SVIL: variants seen among roughly 807,000 people sequenced by gnomAD.
The protein encoded by SVIL is supervillin.
In SVIL, 101 loss-of-function variants were observed where a neutral mutation model predicts 240.4. The observed-to-expected ratio is 0.42, with a 90% CI of 0.36 to 0.50. The LOEUF (loss-of-function observed/expected upper bound fraction) is 0.50. Ranked by LOEUF, SVIL falls within the 20% of genes least tolerant of loss-of-function variation. The pLI is 0.01. For synonymous variants in SVIL, 999 were observed against 1,100.0 expected (o/e 0.91, Z 1.82); for missense variants, 2,512 against 2,818.7 (o/e 0.89, Z 2.46).
In SVIL at chr10:29,533,260, T is replaced by C. The variant is rs2132568196; in HGVS notation, c.1107A>G (p.Gln369=). 3.1e-6 allele frequency: 5 copies of C among 1,614,098 alleles called. No homozygotes were observed. The East Asian group carries it at 6.7e-5, about 22-fold the overall frequency. ...STRQPIRGYV[Q]PADTGHTAKL... ...TGGCGGTGTGACCGGTATCTGCGGG[T>C]TGGACATAGCCACGGATTGGCTGTC... Residue 369 remains glutamine, a synonymous_variant, in exon 8 of 38, where the codon CAA becomes CAG. Transcript: ENST00000355867.
At chr10:29,642,986 G>T (rs1481593964) in intron 3 of SVIL, among the ~76,000 whole-genome samples, 1 of 152,098 alleles carries the variant, frequency 6.6e-6, no homozygotes, top group African/African-American at 2.4e-5. Context: ...GCACCCGGCC[G>T]CTCTCTTCTC....
upstream of SVIL, among the ~76,000 whole-genome samples, chr10:29,638,820 TA>T (rs1357159146): frequency 6.6e-6 from 1 of 152,104 alleles, no homozygotes; most frequent in Non-Finnish European, 1.5e-5. Flanking sequence ...CATCCAAAAA[TA>T]AAAAAGGAAA....
chr10:29,558,026 T>C (rs1443295263), intron 3 of SVIL, among the ~76,000 whole-genome samples: 1 of 152,220 alleles, frequency 6.6e-6, no homozygotes, highest in African/African-American at 2.4e-5. Flanking sequence ...TATCCTCATA[T>C]ATTTCTAAAG....
intron 1 of SVIL, among the ~76,000 whole-genome samples, chr10:29,605,997 G>A (rs1337289016): frequency 2.0e-5 from 3 of 152,070 alleles, no homozygotes; most frequent in African/African-American, 4.8e-5. Context: ...TGCAACCTCC[G>A]CCTCCTGGGT....
chr10:29,528,617 A>C (rs1589126086), intron 12 of SVIL, among the ~76,000 whole-genome samples: 2 of 152,074 alleles, frequency 1.3e-5, no homozygotes, highest in African/African-American at 4.8e-5. Context: ...TTGGGCCTAC[A>C]GTCCCAACTA....
intron 2 of SVIL, among the ~76,000 whole-genome samples, chr10:29,662,441 C>A (rs992098475): frequency 6.6e-6 from 1 of 152,140 alleles, no homozygotes; most frequent in Non-Finnish European, 1.5e-5. Context: ...GTTATTTGAA[C>A]ATTTGTAAAA....
chr10:29,505,485 T>C (rs981330267), intron 17 of SVIL, among the ~76,000 whole-genome samples: 10 of 151,960 alleles, frequency 6.6e-5, no homozygotes, highest in African/African-American at 2.2e-4. Context: ...GGCAAAACCA[T>C]GTGACAGTAA....
At chr10:29,499,356 T>C (rs1948701017) in intron 17 of SVIL, 93 bp from the exon 18 acceptor site, 6 of 1,528,500 alleles carry the variant, frequency 3.9e-6, no homozygotes, top group African/African-American at 2.7e-5. Flanking sequence ...AAAAAGCAGG[T>C]TGACAAAGAG....
At chr10:29,707,267 A>G (rs977152861) in intron 1 of SVIL, among the ~76,000 whole-genome samples, 6 of 152,196 alleles carry the variant, frequency 3.9e-5, no homozygotes, top group African/African-American at 1.2e-4. Flanking sequence ...CTTCTTATCC[A>G]TGAGGATGGA....
intron 3 of SVIL, among the ~76,000 whole-genome samples, chr10:29,654,918 CT>C (rs761662974): frequency 6.6e-6 from 1 of 152,164 alleles, no homozygotes; most frequent in East Asian, 2.0e-4. Context: ...TTTCCCCTGT[CT>C]TTTTTTCTAT....
At chr10:29,592,001 A>G (rs954209152) in intron 1 of SVIL, among the ~76,000 whole-genome samples, 4 of 152,248 alleles carry the variant, frequency 2.6e-5, no homozygotes, top group African/African-American at 9.6e-5. Context: ...CTGTAATCCC[A>G]GCACTTTGGG....
intron 12 of SVIL, among the ~76,000 whole-genome samples, chr10:29,529,475 G>A (rs1489400874): frequency 6.6e-6 from 1 of 152,116 alleles, no homozygotes; most frequent in Non-Finnish European, 1.5e-5. Context: ...TCAATATGCA[G>A]AGACAGAAAC....
At chr10:29,681,027 G>A (rs923261968) in intron 2 of SVIL, among the ~76,000 whole-genome samples, 4 of 152,142 alleles carry the variant, frequency 2.6e-5, no homozygotes, top group African/African-American at 7.2e-5. Context: ...GGCAGGAGAC[G>A]GAAAGTCCAT....
intron 3 of SVIL, among the ~76,000 whole-genome samples, chr10:29,562,479 G>A (rs899745572): frequency 6.6e-6 from 1 of 152,226 alleles, no homozygotes; most frequent in African/African-American, 2.4e-5. Context: ...TAAAAGCCCT[G>A]GCTGGGCGCG....
chr10:29,640,995 T>G (rs1226399477), intron 3 of SVIL, among the ~76,000 whole-genome samples: 1 of 152,256 alleles, frequency 6.6e-6, no homozygotes, highest in African/African-American at 2.4e-5. Context: ...AGCGCTTGCT[T>G]CTTACCCATG....
Position 29,620,407 on chromosome 10 carries a change from C to T in SVIL, c.-201+14013G>A, listed in dbSNP as rs182180014. On this transcript the variant is annotated intron_variant, in intron 1 of 37. Coordinates refer to ENST00000355867, the MANE Select transcript of SVIL (RefSeq NM_021738.3). ...GTGGGAGAGAAAGGAGAGGACTCCC[C>T]TTATAGTGTCCCTAAATATTCACCC... is the stretch of plus-strand genomic sequence containing the variant. 2.4e-4 allele frequency among the ~76,000 whole-genome samples: 37 copies of T among 152,230 alleles called. No homozygotes were observed. In the East Asian group the frequency reaches 6.6e-3, roughly 27 times the overall value.
intron 16 of SVIL, among the ~76,000 whole-genome samples, chr10:29,518,335 C>A (rs1316729311): frequency 6.6e-6 from 1 of 152,064 alleles, no homozygotes; most frequent in African/African-American, 2.4e-5. Context: ...CTTCAGTGAG[C>A]CAAGATCGTG....
At chr10:29,487,927 G>A (rs912088863) in intron 23 of SVIL, among the ~76,000 whole-genome samples, 4 of 152,228 alleles carry the variant, frequency 2.6e-5, no homozygotes, top group Non-Finnish European at 5.9e-5. Flanking sequence ...CAATAGGATA[G>A]TGGTTACACA....
At chr10:29,584,669 C>G (rs778034513) in intron 1 of SVIL, among the ~76,000 whole-genome samples, 1 of 152,308 alleles carries the variant, frequency 6.6e-6, no homozygotes, top group Admixed American at 6.5e-5. Flanking sequence ...CTTTAACCTG[C>G]GGCCTTCCCA....
Sources: allele counts gnomAD v4.1 joint callset (sites outside exome capture counted in the v4.1 genomes callset), GRCh38; gene constraint gnomAD v4.1.1; transcripts MANE v1.5; gene names NCBI Gene and HGNC (gene_info 2026-07-23, HGNC 2026-07-21).